The following STN1 variants were observed in gnomAD, a reference collection of about 807,000 sequenced individuals.
The protein encoded by STN1 is STN1 subunit of CST complex.
A neutral mutation model predicts 45.5 loss-of-function variants in STN1; 29 were observed. The observed-to-expected ratio is 0.64, with a 90% CI of 0.47 to 0.87. The LOEUF (loss-of-function observed/expected upper bound fraction) is 0.87, where lower values mean the gene tolerates loss of function less well. Among genes scored for constraint, STN1 ranks in the 40% least tolerant of loss-of-function variants. STN1 has a pLI of 0.00. For synonymous variants in STN1, 148 were observed against 159.0 expected (o/e 0.93, Z 0.52); for missense variants, 376 against 441.4 (o/e 0.85, Z 1.33).
chr10:103,886,985 G>A lies in STN1; in HGVS notation c.949+2087C>T, dbSNP rs146848290. 1.5e-3 allele frequency among the ~76,000 whole-genome samples: 229 copies of A among 152,282 alleles called. 1 individual carries two copies. The highest frequency in any genetic ancestry group is 5.2e-3 in the African/African-American group (218 of 41,550). Reference sequence around the variant, plus strand: ...TTCAGGGACCTAAGACAGGCTTGATGTTCATAGTCCTTTCATTATTGAAGG... The same window carrying A: ...TTCAGGGACCTAAGACAGGCTTGATATTCATAGTCCTTTCATTATTGAAGG... On this transcript the variant is annotated intron_variant, in intron 9 of 9. Coordinates refer to ENST00000224950, the MANE Select transcript of STN1 (RefSeq NM_024928.5).
At chr10:103,909,201 C>G (rs936931083) in intron 3 of STN1, among the ~76,000 whole-genome samples, 7 of 150,888 alleles carry the variant, frequency 4.6e-5, no homozygotes, top group Non-Finnish European at 7.4e-5. Flanking sequence ...GTACTATATA[C>G]CACAGTGTAC....
At chr10:103,891,192 A>T (rs1843137244) in intron 8 of STN1, among the ~76,000 whole-genome samples, 1 of 152,234 alleles carries the variant, frequency 6.6e-6, no homozygotes, top group Admixed American at 6.5e-5. Flanking sequence ...AAATAGCCAC[A>T]GCAACACCAT....
intron 7 of STN1, among the ~76,000 whole-genome samples, chr10:103,894,379 G>C (rs1255522908): frequency 6.6e-6 from 1 of 152,088 alleles, no homozygotes; most frequent in Non-Finnish European, 1.5e-5. Context: ...GTCAGATCAA[G>C]CAGCAGGAAG....
intron 4 of STN1, among the ~76,000 whole-genome samples, chr10:103,902,879 T>G (rs537882092): frequency 1.3e-5 from 2 of 152,350 alleles, no homozygotes; most frequent in Non-Finnish European, 2.9e-5. Context: ...CTTCTCGTTA[T>G]ATTTGCAAAG....
At chr10:103,897,476 C>G (rs1421820489) in intron 7 of STN1, 72 bp downstream of exon 7, 7 of 1,349,476 alleles carry the variant, frequency 5.2e-6, no homozygotes, top group African/African-American at 2.9e-5. Flanking sequence ...GCCACAGTCA[C>G]TTTCACCCAC....
At chr10:103,900,695 GTCTCTCTC>G (rs370987366) in intron 4 of STN1, among the ~76,000 whole-genome samples, 2 of 148,894 alleles carry the variant, frequency 1.3e-5, no homozygotes, top group Admixed American at 6.7e-5. Context: ...TAATCTCTCT[GTCTCTCTC>G]TCTCTCTCTC....
rs757028590 is a variant in STN1 at position 103,917,443 on chromosome 10, AG to A, written c.133+18del. 9 of 1,609,882 alleles carry A rather than the reference AG, an allele frequency of 5.6e-6. No homozygotes were observed. The African/African-American group carries it at 1.2e-4, about 21-fold the overall frequency. Reference sequence around the variant, plus strand: ...TGGCAGATGCAGCCCAGGGCATCCCAGGGTGGCTAGCCACATACCTGGCACC... The same window carrying A: ...TGGCAGATGCAGCCCAGGGCATCCCAGGTGGCTAGCCACATACCTGGCACC... On this transcript the variant is annotated intron_variant, in intron 2 of 9. Transcript: ENST00000224950.
At chr10:103,903,571 G>A (rs182343316) in intron 4 of STN1, among the ~76,000 whole-genome samples, 212 of 152,198 alleles carry the variant, frequency 1.4e-3, no homozygotes, top group Middle Eastern at 0.01. Context: ...TCATTCTCAC[G>A]CTCTTCTGCC....
chr10:103,905,033 C>T (rs1843231616), intron 4 of STN1, 58 bp downstream of exon 4: 2 of 1,473,668 alleles, frequency 1.4e-6, no homozygotes, highest in East Asian at 4.5e-5. Context: ...TGATGAACTA[C>T]ATTGAGTAAA....
chr10:103,887,025 G>C (rs1036730695), intron 9 of STN1, among the ~76,000 whole-genome samples: 1 of 152,206 alleles, frequency 6.6e-6, no homozygotes. Context: ...GCCTTTGTGA[G>C]ACACTCATAA....
At chr10:103,889,766 G>A (rs1259011592) in intron 8 of STN1, among the ~76,000 whole-genome samples, 1 of 143,986 alleles carries the variant, frequency 6.9e-6, no homozygotes, top group Admixed American at 7.2e-5. Context: ...GCAGTGGCAC[G>A]ATCTTAGCTC....
rs1843062733 is a variant in STN1 at position 103,880,688 on chromosome 10, G to A, written c.*1996C>T. 6.6e-6 allele frequency among the ~76,000 whole-genome samples: 1 copy of A among 152,220 alleles called. No individual in the cohort carries two copies. ...TTTAAACTGAGGTGTTAGACAGCATGTAGATGGTATAATCCATGTGGCTGC... is the reference window on the plus strand; with the variant it reads ...TTTAAACTGAGGTGTTAGACAGCATATAGATGGTATAATCCATGTGGCTGC... On this transcript the variant is annotated 3_prime_UTR_variant, in exon 10 of 10. Transcript: ENST00000224950.
In STN1 at chr10:103,898,992, C is replaced by A. The variant is rs777948693; in HGVS notation, c.466G>T (p.Asp156Tyr). ...EIHATTYYKVDDPVWNIQIAR... is the reference protein window; with the variant it reads ...EIHATTYYKVYDPVWNIQIAR... Reference sequence around the variant, plus strand: ...ATTTGAATGTTCCACACTGGGTCGTCCACTTTATCTAACAAGTGACCAGAA... The same window carrying A: ...ATTTGAATGTTCCACACTGGGTCGTACACTTTATCTAACAAGTGACCAGAA... The change falls in exon 6 of 10, where the codon GAC becomes TAC. Residue 156 changes from aspartate to tyrosine, a missense_variant. Asp to Tyr is a radical substitution (Grantham distance 160). Coordinates refer to ENST00000224950, the MANE Select transcript of STN1 (RefSeq NM_024928.5). 9 of 1,613,880 alleles carry A rather than the reference C, an allele frequency of 5.6e-6. No homozygotes were observed. The highest frequency in any genetic ancestry group is 7.6e-6 in the Non-Finnish European group (9 of 1,179,960).
chr10:103,911,090 T>TTA (rs1554837341), intron 2 of STN1, among the ~76,000 whole-genome samples: 8 of 149,808 alleles, frequency 5.3e-5, no homozygotes, highest in African/African-American at 1.7e-4. Flanking sequence ...GCATTTTTTT[T>TTA]AAAAAAAAAC....
rs1057338982 is a variant in STN1, at chr10:103,880,518, T to C, written c.*2166A>G. On this transcript the variant is annotated 3_prime_UTR_variant, in exon 10 of 10. Transcript: ENST00000224950. ...GGCATTTGGCTGCCTCATGTCACTA[T>C]CAGGAGCAAGCCTGGGGTCAGGAGT... 6.8e-6 allele frequency among the ~76,000 whole-genome samples: 1 copy of C among 146,664 alleles called. No homozygotes were observed. Among genetic ancestry groups the C allele is most frequent in the African/African-American group, 2.8e-5 (1 of 36,182 alleles).
rs865800644 is a variant in STN1 at position 103,883,825 on chromosome 10, C to T, written c.950-984G>A. Among the ~76,000 whole-genome samples, 9 of 152,246 alleles carry T rather than the reference C, an allele frequency of 5.9e-5. No homozygotes were observed. The Middle Eastern group carries it at 0.014, about 230-fold the overall frequency. ...CACTTATGGGCTAGGTGCAGTGGCT[C>T]ACGCCTATAATCCCAGAACTTTGGG... On this transcript the variant is annotated intron_variant, in intron 9 of 9. Coordinates refer to ENST00000224950, the MANE Select transcript of STN1 (RefSeq NM_024928.5).
At chr10:103,913,993 C>T (rs1843308134) in intron 2 of STN1, among the ~76,000 whole-genome samples, 1 of 152,162 alleles carries the variant, frequency 6.6e-6, no homozygotes, top group Non-Finnish European at 1.5e-5. Flanking sequence ...CAACCCTGAA[C>T]ATCCACAACC....
chr10:103,916,052 G>C (rs1238775717), intron 2 of STN1, among the ~76,000 whole-genome samples: 1 of 152,176 alleles, frequency 6.6e-6, no homozygotes, highest in Non-Finnish European at 1.5e-5. Flanking sequence ...TGTACCAGTA[G>C]TGGTCTGTGG....
chr10:103,912,600 C>A (rs1200931758), intron 2 of STN1, among the ~76,000 whole-genome samples: 1 of 152,212 alleles, frequency 6.6e-6, no homozygotes, highest in Admixed American at 6.5e-5. Flanking sequence ...CTGCCGTACA[C>A]CCCACCACTC....
Sources: allele counts gnomAD v4.1 joint callset (sites outside exome capture counted in the v4.1 genomes callset), GRCh38; gene constraint gnomAD v4.1.1; transcripts MANE v1.5; gene names NCBI Gene and HGNC (gene_info 2026-07-23, HGNC 2026-07-21).